ESRRG: variants seen among roughly 807,000 people sequenced by gnomAD.
The protein encoded by ESRRG is estrogen-related receptor gamma.
Under a neutral mutation model 44.0 loss-of-function variants are expected in ESRRG, and 13 were observed. That is an observed-to-expected ratio of 0.30 (90% CI 0.19 to 0.47). The LOEUF (loss-of-function observed/expected upper bound fraction) is 0.47, where lower values mean the gene tolerates loss of function less well. ESRRG is among the 20% of genes least tolerant of loss of function. The pLI is 1.00. For missense variants in ESRRG, 395 were observed against 580.6 expected (o/e 0.68, Z 3.29); for synonymous variants, 215 against 214.6 (o/e 1.00, Z -0.02).
intron 1 of ESRRG, among the ~76,000 whole-genome samples, chr1:216,968,448 G>T (rs1164401341): frequency 6.6e-6 from 1 of 151,992 alleles, no homozygotes; most frequent in African/African-American, 2.4e-5. Context: ...TTTTATTTTT[G>T]CATGTGGATA....
chr1:217,136,434 C>T (rs1490736836), intron 1 of ESRRG, among the ~76,000 whole-genome samples: 2 of 152,328 alleles, frequency 1.3e-5, no homozygotes, highest in South Asian at 2.1e-4. Context: ...AGGCTCTGGC[C>T]TACCGGGAGG....
chr1:216,768,630 C>G (rs1424568432), intron 2 of ESRRG, among the ~76,000 whole-genome samples: 1 of 152,092 alleles, frequency 6.6e-6, no homozygotes, highest in Non-Finnish European at 1.5e-5. Flanking sequence ...GCTAGGACTA[C>G]TGGCATGCGC....
intron 2 of ESRRG, among the ~76,000 whole-genome samples, chr1:216,672,932 C>T (rs1271058956): frequency 6.6e-6 from 1 of 152,032 alleles, no homozygotes; most frequent in Admixed American, 6.6e-5. Context: ...ATGAAAATGC[C>T]TATGGATGCA....
rs575592363 is a variant in ESRRG at position 216,662,298 on chromosome 1, A to G, written c.473-11209T>C. Among the ~76,000 whole-genome samples, 3 of 152,262 alleles carry G rather than the reference A, an allele frequency of 2.0e-5. No individual in the cohort carries two copies. In the South Asian group the frequency reaches 6.2e-4, roughly 32 times the overall value. On this transcript the variant is annotated intron_variant, in intron 2 of 6. Transcript: ENST00000408911. ...CCAAAAGACAAAGAACTGATGTCTG[A>G]GTCAAAAGGCACTTCGTGAGAAGCA...
chr1:216,715,311 C>CTT (rs1229945308), intron 1 of ESRRG: 1 of 865,188 alleles, frequency 1.2e-6, no homozygotes, highest in African/African-American at 1.8e-5. Flanking sequence ...TATACAGTCA[C>CTT]TTTCTCATAG....
At chr1:216,639,849 C>G (rs571071909) in intron 3 of ESRRG, among the ~76,000 whole-genome samples, 5 of 152,268 alleles carry the variant, frequency 3.3e-5, no homozygotes, top group South Asian at 2.1e-4. Context: ...CATTTCATCT[C>G]AGATAGTCAT....
intron 1 of ESRRG, among the ~76,000 whole-genome samples, chr1:217,052,316 T>C (rs1414775824): frequency 6.6e-6 from 1 of 152,158 alleles, no homozygotes. Context: ...AGATCAACTT[T>C]AAGATTTGGT....
chr1:217,109,737 T>G lies in ESRRG; in HGVS notation c.-230+27930A>C, dbSNP rs147496387. 1.1e-4 allele frequency among the ~76,000 whole-genome samples: 16 copies of G among 152,158 alleles called. No individual in the cohort carries two copies. In the East Asian group the frequency reaches 2.9e-3, roughly 28 times the overall value. On this transcript the variant is annotated intron_variant, in intron 1 of 8. Transcript: ENST00000366940. ...CCAGATGGAAGGAAATCTCAAGGCA[T>G]CCAATAGTCAAGAAAAAATCTGGGG...
At chr1:217,025,819 T>A (rs1488169575) in intron 1 of ESRRG, among the ~76,000 whole-genome samples, 1 of 152,222 alleles carries the variant, frequency 6.6e-6, no homozygotes, top group African/African-American at 2.4e-5. Flanking sequence ...CCTAGGAAGA[T>A]CTTGGAAAAT....
intron 2 of ESRRG, among the ~76,000 whole-genome samples, chr1:216,741,907 C>T (rs2090784779): frequency 6.6e-6 from 1 of 152,170 alleles, no homozygotes; most frequent in African/African-American, 2.4e-5. Flanking sequence ...ATTCCAACTG[C>T]CTGAATTTCC....
At chr1:216,564,731 T>C (rs1339749858) in intron 4 of ESRRG, among the ~76,000 whole-genome samples, 1 of 152,136 alleles carries the variant, frequency 6.6e-6, no homozygotes, top group Admixed American at 6.6e-5. Context: ...TTTGGTGAAG[T>C]AGATTAAATG....
intron 1 of ESRRG, among the ~76,000 whole-genome samples, chr1:216,980,129 T>G (rs1372363893): frequency 6.6e-6 from 1 of 152,198 alleles, no homozygotes; most frequent in East Asian, 1.9e-4. Context: ...CCCTCTATGG[T>G]TACTAAATCC....
At chr1:216,788,167 C>T (rs998037746) in intron 2 of ESRRG, among the ~76,000 whole-genome samples, 10 of 152,114 alleles carry the variant, frequency 6.6e-5, no homozygotes, top group African/African-American at 2.4e-4. Context: ...TGGCTTTAAA[C>T]AACAGATTTT....
intron 1 of ESRRG, among the ~76,000 whole-genome samples, chr1:217,070,175 T>C (rs939679191): frequency 1.3e-5 from 2 of 152,138 alleles, no homozygotes; most frequent in African/African-American, 4.8e-5. Context: ...TTAGGGAAAC[T>C]ACATAACTCA....
At chr1:216,737,661 A>G (rs185003212) in intron 2 of ESRRG, among the ~76,000 whole-genome samples, 7 of 152,226 alleles carry the variant, frequency 4.6e-5, no homozygotes, top group African/African-American at 7.2e-5. Context: ...AAACTTTGAT[A>G]TCAGATGGCC....
intron 1 of ESRRG, among the ~76,000 whole-genome samples, chr1:216,946,008 G>A (rs2065997210): frequency 6.6e-6 from 1 of 152,230 alleles, no homozygotes; most frequent in African/African-American, 2.4e-5. Context: ...TATGGGAGGA[G>A]GAGAGCTGCT....
intron 2 of ESRRG, among the ~76,000 whole-genome samples, chr1:216,866,085 T>G (rs1577396233): frequency 6.6e-6 from 1 of 152,348 alleles, no homozygotes; most frequent in Admixed American, 6.5e-5. Flanking sequence ...TTACCATTAG[T>G]TCTTGCTCAG....
At chr1:216,992,686 A>T (rs559389364) in intron 1 of ESRRG, among the ~76,000 whole-genome samples, 2 of 152,224 alleles carry the variant, frequency 1.3e-5, no homozygotes, top group Non-Finnish European at 1.5e-5. Flanking sequence ...CATAGATATC[A>T]AATTCCAATA....
chr1:216,594,340 T>C (rs2058127275), intron 3 of ESRRG, among the ~76,000 whole-genome samples: 2 of 152,338 alleles, frequency 1.3e-5, no homozygotes, highest in East Asian at 1.9e-4. Context: ...GAATGTAATC[T>C]AGAGACAATA....
Sources: gnomAD v4.1 joint callset for allele counts (sites outside exome capture counted in the v4.1 genomes callset) on GRCh38, gnomAD v4.1.1 for gene constraint, MANE v1.5 for transcripts, NCBI Gene and HGNC (gene_info 2026-07-23, HGNC 2026-07-21) for gene names.